Variants in ELMO1 observed in about 807,000 individuals in gnomAD.
The protein encoded by ELMO1 is engulfment and cell motility protein 1.
A neutral mutation model predicts 98.9 loss-of-function variants in ELMO1; 26 were observed. That is an observed-to-expected ratio of 0.26 (90% CI 0.19 to 0.36). The LOEUF (loss-of-function observed/expected upper bound fraction) is 0.36. ELMO1 is among the 10% of genes least tolerant of loss of function. ELMO1 has a pLI of 1.00. For synonymous variants in ELMO1, 346 were observed against 346.0 expected (o/e 1.00, Z 0.00); for missense variants, 627 against 935.2 (o/e 0.67, Z 4.30).
chr7:37,039,341 G>A (rs1378229253), intron 15 of ELMO1, among the ~76,000 whole-genome samples: 1 of 152,124 alleles, frequency 6.6e-6, no homozygotes, highest in Non-Finnish European at 1.5e-5. Context: ...GAAGCCTCCT[G>A]GGCACTCTGA....
chr7:37,368,355 T>C (rs538689453), intron 1 of ELMO1, among the ~76,000 whole-genome samples: 2 of 152,322 alleles, frequency 1.3e-5, no homozygotes, highest in South Asian at 2.1e-4. Flanking sequence ...ATGTCTTAAA[T>C]ATACATTTCA....
intron 13 of ELMO1, among the ~76,000 whole-genome samples, chr7:37,167,714 A>G (rs2129720645): frequency 6.6e-6 from 1 of 152,312 alleles, no homozygotes; most frequent in South Asian, 2.1e-4. Flanking sequence ...ATCAGCTGTT[A>G]GTCTGATGGG....
chr7:37,404,479 A>G (rs1384925410), intron 1 of ELMO1, among the ~76,000 whole-genome samples: 1 of 152,218 alleles, frequency 6.6e-6, no homozygotes, highest in East Asian at 1.9e-4. Flanking sequence ...TGATATTGAC[A>G]TATCTGACAA....
At position 36,894,894 on chromosome 7, in the gene ELMO1, C is replaced by T. The variant is rs779233099; in HGVS notation, c.1561G>A (p.Glu521Lys). 4 of 1,613,998 alleles carry T rather than the reference C, an allele frequency of 2.5e-6. No individual in the cohort carries two copies. The highest frequency in any genetic ancestry group is 2.5e-6 in the Non-Finnish European group (3 of 1,180,012). Residue 521 changes from glutamate to lysine, a missense_variant, in exon 17 of 22, where the codon GAG becomes AAG. Transcript: ENST00000310758. ...YTEILKIRQSERMNQEDFQSR... is the reference protein window; with the variant it reads ...YTEILKIRQSKRMNQEDFQSR... ...TGGAAATCTTCCTGGTTCATCCTCT[C>T]GGACTGGCGGATTTTCAGGATCTCA...
At chr7:37,368,498 G>A (rs1801988485) in intron 1 of ELMO1, among the ~76,000 whole-genome samples, 1 of 152,100 alleles carries the variant, frequency 6.6e-6, no homozygotes, top group African/African-American at 2.4e-5. Context: ...GTTTCTCTCT[G>A]ACCTGCTTCC....
intron 14 of ELMO1, among the ~76,000 whole-genome samples, chr7:37,131,273 T>A (rs770186155): frequency 6.6e-6 from 1 of 152,100 alleles, no homozygotes; most frequent in African/African-American, 2.4e-5. Flanking sequence ...TACAGGAAAG[T>A]CTAACCAATA....
chr7:37,291,979 G>A (rs200154436), intron 4 of ELMO1, among the ~76,000 whole-genome samples: 5 of 113,246 alleles, frequency 4.4e-5, no homozygotes, highest in East Asian at 2.7e-4. Flanking sequence ...CTCTTTCCAC[G>A]GTCTCCCTCT....
chr7:37,028,967 A>G (rs1794733951), intron 15 of ELMO1, among the ~76,000 whole-genome samples: 1 of 149,846 alleles, frequency 6.7e-6, no homozygotes, highest in Non-Finnish European at 1.5e-5. Context: ...CAATTATCAA[A>G]TTATGTAGTT....
chr7:37,305,923 G>A (rs1015721945), intron 4 of ELMO1, among the ~76,000 whole-genome samples: 2 of 152,170 alleles, frequency 1.3e-5, no homozygotes. Flanking sequence ...GAGAGAAAAA[G>A]AACTAGTAGA....
chr7:37,302,437 G>A (rs1798398046), intron 4 of ELMO1, among the ~76,000 whole-genome samples: 1 of 152,014 alleles, frequency 6.6e-6, no homozygotes, highest in East Asian at 1.9e-4. Context: ...CTCCCTCTCT[G>A]GAAGTGCCCT....
chr7:37,341,138 GT>G (rs1227391505), intron 2 of ELMO1, among the ~76,000 whole-genome samples: 2 of 147,990 alleles, frequency 1.4e-5, no homozygotes, highest in East Asian at 3.9e-4. Flanking sequence ...GTGCTTTCGG[GT>G]GATGCCCAAG....
chr7:37,268,582 G>T (rs1040695371), intron 5 of ELMO1, among the ~76,000 whole-genome samples: 1 of 152,148 alleles, frequency 6.6e-6, no homozygotes, highest in Non-Finnish European at 1.5e-5. Context: ...TTACAGGTGT[G>T]AGCCACCACA....
chr7:37,053,572 C>A (rs1216279071), intron 15 of ELMO1, among the ~76,000 whole-genome samples: 1 of 152,142 alleles, frequency 6.6e-6, no homozygotes, highest in African/African-American at 2.4e-5. Context: ...TGTTCTTGTG[C>A]CCCAGAATGA....
intron 14 of ELMO1, among the ~76,000 whole-genome samples, chr7:37,111,522 C>T (rs754433186): frequency 6.6e-6 from 1 of 152,166 alleles, no homozygotes. Flanking sequence ...TTAAGAAAAA[C>T]TTTTGTACTA....
intron 13 of ELMO1, among the ~76,000 whole-genome samples, chr7:37,190,272 G>A (rs755440046): frequency 4.6e-5 from 7 of 152,170 alleles, no homozygotes; most frequent in African/African-American, 7.2e-5. Context: ...TTGCATGTAT[G>A]TTCATCTCCA....
In ELMO1 at chr7:37,222,647, G is replaced by C; in HGVS notation, c.748C>G (p.Leu250Val). 6.2e-7 allele frequency: 1 copy of C among 1,614,088 alleles called. No homozygotes were observed. The highest frequency in any genetic ancestry group is 8.5e-7 in the Non-Finnish European group (1 of 1,179,950). Residue 250 changes from leucine to valine, a missense_variant, in exon 10 of 22, where the codon CTT (leucine) becomes GTT (valine). Transcript: ENST00000310758. Reference protein sequence around the residue: ...QTYTIAVINALFLKAPDERRQ... With the variant: ...QTYTIAVINAVFLKAPDERRQ... The stretch of plus-strand genomic sequence containing the variant: ...CTCTCATCAGGAGCCTTCAGGAAAA[G>C]CGCATTAATCACTGCAATAGTATAG...
At chr7:37,407,977 T>G (rs1365659371) in intron 1 of ELMO1, among the ~76,000 whole-genome samples, 1 of 152,174 alleles carries the variant, frequency 6.6e-6, no homozygotes, top group Non-Finnish European at 1.5e-5. Flanking sequence ...ATTGATTAAT[T>G]TTTAAAATAT....
intron 16 of ELMO1, among the ~76,000 whole-genome samples, chr7:36,911,655 C>T (rs1784352479): frequency 6.6e-6 from 1 of 152,180 alleles, no homozygotes; most frequent in South Asian, 2.1e-4. Context: ...AGACCTGATC[C>T]TGGGGTGTCT....
In ELMO1 at chr7:37,406,515, C is replaced by T. The variant is rs558044684; in HGVS notation, c.-74+42160G>A. On this transcript the variant is annotated intron_variant, in intron 1 of 21. Coordinates refer to ENST00000310758, the MANE Select transcript of ELMO1 (RefSeq NM_014800.11). ...CGCGATCTCGGCTCACTGCAAGCTC[C>T]GCCTCCCGGGTTCACACCATTGTCC... Among the ~76,000 whole-genome samples, 54 of 152,108 alleles carry T rather than the reference C, an allele frequency of 3.6e-4. 1 individual carries two copies. The highest frequency in any genetic ancestry group is 3.4e-3 in the Middle Eastern group (1 of 294).
Sources: allele counts gnomAD v4.1 joint callset (sites outside exome capture counted in the v4.1 genomes callset), GRCh38; gene constraint gnomAD v4.1.1; transcripts MANE v1.5; gene names NCBI Gene and HGNC (gene_info 2026-07-23, HGNC 2026-07-21).